Variants in SEM1 observed in about 807,000 individuals in gnomAD.
SEM1 encodes SEM1 26S proteasome subunit.
A neutral mutation model predicts 12.7 loss-of-function variants in SEM1; 3 were observed. The ratio of observed to expected loss-of-function variants is 0.24; its 90% confidence interval spans 0.11 to 0.61. The LOEUF is 0.61. SEM1 is among the 20% of genes least tolerant of loss of function. SEM1 has a pLI of 0.88. For missense variants in SEM1, 59 were observed against 81.3 expected, an observed-to-expected ratio of 0.73 and a Z score of 1.06; for synonymous variants, 30 against 27.8, an observed-to-expected ratio of 1.08 and a Z score of -0.25.
At chr7:96,483,420 A>G (rs114053065) in exon 4 of SEM1, 2,332 of 176,850 alleles carry the variant, frequency 0.013, 65 homozygotes, top group African/African-American at 0.052. Flanking sequence ...TTGTCAGGTT[A>G]GTCAATAATA....
intron 3 of SEM1, chr7:96,484,041 C>CAT: frequency 7.1e-7 from 1 of 1,414,458 alleles, no homozygotes; most frequent in African/African-American, 1.4e-5. Context: ...GATTACACTT[C>CAT]ATGCATATTA....
At chr7:96,615,566 A>AT (rs1221210909) in intron 2 of SEM1, among the ~76,000 whole-genome samples, 1 of 152,002 alleles carries the variant, frequency 6.6e-6, no homozygotes, top group Non-Finnish European at 1.5e-5. Flanking sequence ...AACTCATATG[A>AT]TTTTTTTAAG....
At position 96,597,676 on chromosome 7, in the gene SEM1, G is replaced by GAT. The variant is rs55710405; in HGVS notation, c.171-90980_171-90979dup. ...TATAAATTTCTCATATAGTATATAT[G>GAT]ATATATATATATATATATACACACA... On this transcript the variant is annotated intron_variant and NMD_transcript_variant, in intron 2 of 3. Transcript: ENST00000466986. 1.5e-3 allele frequency among the ~76,000 whole-genome samples: 227 copies of GAT among 147,130 alleles called. 1 individual carries two copies. The highest frequency in any genetic ancestry group is 0.012 in the South Asian group (56 of 4,628).
At chr7:96,671,370 CT>C (rs1789311534), downstream of SEM1, among the ~76,000 whole-genome samples, 1 of 152,074 alleles carries the variant, frequency 6.6e-6, no homozygotes, top group African/African-American at 2.4e-5. Flanking sequence ...TGAAAACCAG[CT>C]TTTACCCATT....
At chr7:96,627,307 G>A (rs10253166) in intron 2 of SEM1, among the ~76,000 whole-genome samples, 2,654 of 151,430 alleles carry the variant, frequency 0.018, 75 homozygotes, top group African/African-American at 0.061. Flanking sequence ...CTAATTTAGG[G>A]CTTGGTTTGC....
chr7:96,575,812 T>G (rs1806186869), intron 2 of SEM1, among the ~76,000 whole-genome samples: 1 of 152,182 alleles, frequency 6.6e-6, no homozygotes, highest in Admixed American at 6.5e-5. Context: ...AAAAAAATAT[T>G]TGCAAACTAT....
chr7:96,591,813 G>T (rs1584791737), intron 2 of SEM1, among the ~76,000 whole-genome samples: 1 of 146,748 alleles, frequency 6.8e-6, no homozygotes, highest in East Asian at 2.0e-4. Context: ...AGGCAATGGA[G>T]TTTTTTTTTT....
At chr7:96,557,673 AGCCTACAGAGGCAGGCAG>A (rs1805562546) in intron 2 of SEM1, among the ~76,000 whole-genome samples, 1 of 134,444 alleles carries the variant, frequency 7.4e-6, no homozygotes. Context: ...CCAGAGGTGG[AGCCTACAGAGGCAGGCAG>A]GCCTCCTTCA....
intron 1 of SEM1, among the ~76,000 whole-genome samples, chr7:96,493,957 G>A (rs1021298319): frequency 1.3e-5 from 2 of 152,102 alleles, no homozygotes; most frequent in African/African-American, 4.8e-5. Flanking sequence ...TTGAGTGTAG[G>A]ATCTTTGTCC....
chr7:96,692,263 T>G (rs1038788862), intron 2 of SEM1, among the ~76,000 whole-genome samples: 5 of 152,200 alleles, frequency 3.3e-5, no homozygotes, highest in African/African-American at 1.2e-4. Flanking sequence ...CAATCAGTTT[T>G]AAGAGAAAAG....
At chr7:96,581,710 G>A (rs1806415849) in intron 2 of SEM1, among the ~76,000 whole-genome samples, 1 of 152,190 alleles carries the variant, frequency 6.6e-6, no homozygotes, top group South Asian at 2.1e-4. Context: ...TGGATTCCTA[G>A]GTATTTTATT....
At chr7:96,523,534 T>C (rs1320925564) in intron 2 of SEM1, among the ~76,000 whole-genome samples, 1 of 152,132 alleles carries the variant, frequency 6.6e-6, no homozygotes, top group African/African-American at 2.4e-5. Context: ...TATTTCTTGG[T>C]TCCCCACATC....
rs1362903445 is a variant in SEM1 at position 96,564,294 on chromosome 7, G to GA, written c.171-57597dup. Among the ~76,000 whole-genome samples the GA allele has an allele frequency of 5.9e-5, 9 of 151,904 alleles. No homozygotes were observed. The East Asian group carries it at 9.7e-4, about 16-fold the overall frequency. ...TTTATAAATCAGGGTAGAACAAAGA[G>GA]AAAATCTCAAAAATACACCTCCCAT... On this transcript the variant is annotated intron_variant and NMD_transcript_variant, in intron 2 of 3. Coordinates refer to the SEM1 transcript ENST00000466986.
Position 96,485,122 on chromosome 7 carries a change from C to T in SEM1, c.228-268G>A, listed in dbSNP as rs1026675974. ...AAGTAAATGTTTTGCCAGTTTTGAA[C>T]ATTTGCCACCAAATTACTTACAAGA... On this transcript the variant is annotated intron_variant, in intron 2 of 3. Transcript: ENST00000356686. Among the ~76,000 whole-genome samples, 5 of 152,324 alleles carry T rather than the reference C, an allele frequency of 3.3e-5. No homozygotes were observed. In the East Asian group the frequency reaches 5.8e-4, roughly 18 times the overall value.
chr7:96,597,719 T>G (rs899131335), intron 2 of SEM1, among the ~76,000 whole-genome samples: 1 of 151,352 alleles, frequency 6.6e-6, no homozygotes, highest in Non-Finnish European at 1.5e-5. Context: ...CACATACACA[T>G]GCACACACAC....
chr7:96,698,221 G>A (rs966130525), intron 1 of SEM1, among the ~76,000 whole-genome samples: 1 of 151,904 alleles, frequency 6.6e-6, no homozygotes, highest in East Asian at 1.9e-4. Context: ...CTGGCAGAAT[G>A]GTTCCACTTT....
chr7:96,625,890 G>A (rs1206346746), intron 2 of SEM1, among the ~76,000 whole-genome samples: 1 of 151,998 alleles, frequency 6.6e-6, no homozygotes, highest in Non-Finnish European at 1.5e-5. Flanking sequence ...ATTTTTATGG[G>A]TACATAATAT....
At chr7:96,698,905 C>T (rs1027333156) in intron 1 of SEM1, among the ~76,000 whole-genome samples, 4 of 152,212 alleles carry the variant, frequency 2.6e-5, no homozygotes, top group Non-Finnish European at 5.9e-5. Context: ...GTTCCTACTT[C>T]TCCACATCCT....
chr7:96,701,018 A>AT (rs1790256760), intron 1 of SEM1, among the ~76,000 whole-genome samples: 2 of 152,190 alleles, frequency 1.3e-5, no homozygotes, highest in Non-Finnish European at 2.9e-5. Context: ...CAAATAATTC[A>AT]CAAATTTAAC....
Sources: allele counts gnomAD v4.1 joint callset (sites outside exome capture counted in the v4.1 genomes callset), GRCh38; gene constraint gnomAD v4.1.1; transcripts MANE v1.5; gene names NCBI Gene and HGNC (gene_info 2026-07-23, HGNC 2026-07-21).